PAPSS2: variants seen among roughly 807,000 people sequenced by gnomAD.
The protein encoded by PAPSS2 is 3'-phosphoadenosine 5'-phosphosulfate synthase 2.
A neutral mutation model predicts 66.5 loss-of-function variants in PAPSS2; 61 were observed. The ratio of observed to expected loss-of-function variants is 0.92; its 90% CI spans 0.75 to 1.14. The LOEUF (loss-of-function observed/expected upper bound fraction) is 1.14, where lower values mean the gene tolerates loss of function less well. Among genes scored for constraint, PAPSS2 ranks in the 50% most tolerant of loss-of-function variants. The probability of loss-of-function intolerance (pLI) is 0.00; values close to 1 mark genes in which losing one functional copy is unlikely to be tolerated. For missense variants in PAPSS2, 708 were observed against 789.6 expected, an observed-to-expected ratio of 0.90 and a Z score of 1.24; for synonymous variants, 289 against 287.5, an observed-to-expected ratio of 1.01 and a Z score of -0.05.
At chr10:87,700,714 G>A (rs1027958945) in intron 1 of PAPSS2, among the ~76,000 whole-genome samples, 3 of 150,202 alleles carry the variant, frequency 2.0e-5, no homozygotes, top group Non-Finnish European at 4.4e-5. Context: ...TTTAAAACAC[G>A]TTAGAAAAAC....
intron 8 of PAPSS2, among the ~76,000 whole-genome samples, chr10:87,725,884 T>TACACACACAC (rs60791274): frequency 0.096 from 13,450 of 140,316 alleles, 746 homozygotes; most frequent in Admixed American, 0.14. Context: ...TATGTGTGTA[T>TACACACACAC]ACACACACAC....
rs1287556894 is a variant in PAPSS2, at chr10:87,746,577, T to A, written c.*607T>A. 3.3e-5 allele frequency: 5 copies of A among 152,368 alleles called. No homozygotes were observed. Among genetic ancestry groups the A allele is most frequent in the African/African-American group, 1.2e-4 (5 of 41,450 alleles). The allele number at this position is 152,368 out of a possible 1,614,324, so 9.4% of individuals were successfully genotyped here. On this transcript the variant is annotated 3_prime_UTR_variant, in exon 13 of 13. Coordinates refer to ENST00000456849, the MANE Select transcript of PAPSS2 (RefSeq NM_001015880.2). ...AATAACGTGAATTTTATCTTAGAGATCTGTGCAGCCTATTTCTGTCACAAA... is the reference window on the plus strand; with the variant it reads ...AATAACGTGAATTTTATCTTAGAGAACTGTGCAGCCTATTTCTGTCACAAA...
intron 1 of PAPSS2, chr10:87,704,041 A>T (rs752659755): frequency 2.0e-6 from 1 of 501,022 alleles, no homozygotes; most frequent in Non-Finnish European, 4.0e-6. Context: ...CAAGAAAAAG[A>T]AAAGTTTTTG....
chr10:87,738,778 C>T (rs1853831778), intron 9 of PAPSS2, among the ~76,000 whole-genome samples: 1 of 152,130 alleles, frequency 6.6e-6, no homozygotes, highest in East Asian at 1.9e-4. Flanking sequence ...TTGCATTTCT[C>T]ATAATTAATG....
At chr10:87,726,388 C>A (rs1322261409) in intron 8 of PAPSS2, among the ~76,000 whole-genome samples, 1 of 152,148 alleles carries the variant, frequency 6.6e-6, no homozygotes, top group Non-Finnish European at 1.5e-5. Context: ...CAAGATCGTG[C>A]CAGTGAACTC....
At chr10:87,734,884 T>C (rs1056276732) in intron 9 of PAPSS2, among the ~76,000 whole-genome samples, 1 of 151,546 alleles carries the variant, frequency 6.6e-6, no homozygotes, top group Non-Finnish European at 1.5e-5. Context: ...CAGCTGCTCC[T>C]CCCTTTCCAA....
intron 1 of PAPSS2, chr10:87,660,947 C>T (rs1852744861): frequency 2.2e-6 from 1 of 455,714 alleles, no homozygotes; most frequent in Middle Eastern, 3.3e-4. Flanking sequence ...GCAGTTTGGC[C>T]GCTGAACATT....
rs1336752257 is a variant in PAPSS2, at chr10:87,701,424, C to CTT, written c.28-7771_28-7770insTT. 3.2e-4 allele frequency among the ~76,000 whole-genome samples: 40 copies of CTT among 125,928 alleles called. 2 individuals are homozygous for CTT. Among genetic ancestry groups the CTT allele is most frequent in the African/African-American group, 1.3e-3 (37 of 28,678 alleles). The allele number at this position is 125,928 out of a possible 152,430, so 82.6% of individuals were successfully genotyped here. A position where few individuals can be genotyped will look rare whatever the true frequency, so the allele number is the denominator to read the frequency against. On this transcript the variant is annotated intron_variant, in intron 1 of 12. Transcript: ENST00000456849. The stretch of plus-strand genomic sequence containing the variant: ...TTTCTTTCTCTCTCTCTCTCTCTCT[C>CTT]TCTCTCTCTTTCTTTCAGACAAGGT...
chr10:87,711,975 G>C (rs1853467796), intron 2 of PAPSS2, among the ~76,000 whole-genome samples: 5 of 152,070 alleles, frequency 3.3e-5, no homozygotes, highest in Admixed American at 2.6e-4. Flanking sequence ...TAGAGTGCTA[G>C]CCTTTAGGGT....
intron 8 of PAPSS2, 56 bp downstream of exon 8, chr10:87,721,826 A>G (rs1853602269): frequency 4.0e-6 from 4 of 1,005,210 alleles, no homozygotes; most frequent in Non-Finnish European, 5.9e-6. Context: ...ATGTTAAATT[A>G]ACTGGAAATG....
intron 1 of PAPSS2, among the ~76,000 whole-genome samples, chr10:87,675,365 G>T (rs149491457): frequency 1.6e-3 from 237 of 152,260 alleles, no homozygotes; most frequent in African/African-American, 5.6e-3. Flanking sequence ...TCGCATATTT[G>T]AATTTTCAAA....
At chr10:87,723,431 A>C (rs565862825) in intron 8 of PAPSS2, among the ~76,000 whole-genome samples, 1 of 132,324 alleles carries the variant, frequency 7.6e-6, no homozygotes, top group Admixed American at 8.0e-5. Context: ...TTTTCCAGTG[A>C]GGAAACTGAG....
At chr10:87,708,584 A>G (rs1259590937) in intron 1 of PAPSS2, among the ~76,000 whole-genome samples, 1 of 152,174 alleles carries the variant, frequency 6.6e-6, no homozygotes, top group Admixed American at 6.5e-5. Flanking sequence ...TGGGGAGAAC[A>G]TGCATTCACT....
Position 87,691,830 on chromosome 10 carries a change from C to T in PAPSS2, c.28-17366C>T, listed in dbSNP as rs117146497. On this transcript the variant is annotated intron_variant, in intron 1 of 12. Transcript: ENST00000456849. ...ATTAGCCAGGTATGGTCGGTGCACACCTGTAGTCACAGCTACTTGGAAGGC... is the reference window on the plus strand; with the variant it reads ...ATTAGCCAGGTATGGTCGGTGCACATCTGTAGTCACAGCTACTTGGAAGGC... Among the ~76,000 whole-genome samples the T allele has an allele frequency of 1.4e-4, 22 of 152,182 alleles. No homozygotes were observed. The East Asian group carries it at 3.7e-3, about 25-fold the overall frequency.
chr10:87,743,195 G>A (rs1589444942), intron 10 of PAPSS2, among the ~76,000 whole-genome samples, 178 bp from the exon 11 acceptor site: 1 of 149,474 alleles, frequency 6.7e-6, no homozygotes, highest in Non-Finnish European at 1.5e-5. Flanking sequence ...GCAGTGACCT[G>A]AGATCGCTGA....
intron 1 of PAPSS2, among the ~76,000 whole-genome samples, chr10:87,699,269 G>C (rs1853272472): frequency 6.6e-6 from 1 of 152,076 alleles, no homozygotes; most frequent in African/African-American, 2.4e-5. Flanking sequence ...TTAAATATTT[G>C]CTCTCAAGAT....
At chr10:87,700,612 C>T (rs1277321145) in intron 1 of PAPSS2, among the ~76,000 whole-genome samples, 1 of 149,200 alleles carries the variant, frequency 6.7e-6, no homozygotes, top group Admixed American at 6.7e-5. Context: ...GAGCCAGGAT[C>T]ACACCACTGC....
At chr10:87,687,219 T>C (rs1021425770) in intron 1 of PAPSS2, among the ~76,000 whole-genome samples, 5 of 152,152 alleles carry the variant, frequency 3.3e-5, no homozygotes, top group Non-Finnish European at 5.9e-5. Context: ...CCAAGTACAA[T>C]CTTTGGCATA....
chr10:87,736,425 G>A lies in PAPSS2; in HGVS notation c.1087-4810G>A, dbSNP rs200387512. On this transcript the variant is annotated intron_variant, in intron 9 of 12. Transcript: ENST00000456849. ...TGGGATTACAGGTGCCCGCCACCAG[G>A]CCTGGCTATTTTTTATATTTTTAGT... 6.0e-4 allele frequency among the ~76,000 whole-genome samples: 91 copies of A among 151,884 alleles called. 1 individual carries two copies. In the East Asian group the frequency reaches 0.016, roughly 27 times the overall value.
Sources: allele counts gnomAD v4.1 joint callset (sites outside exome capture counted in the v4.1 genomes callset), GRCh38; gene constraint gnomAD v4.1.1; transcripts MANE v1.5; gene names NCBI Gene and HGNC (gene_info 2026-07-23, HGNC 2026-07-21).